Variants in PPP1R3F observed in about 807,000 individuals in gnomAD.
PPP1R3F encodes the protein protein phosphatase 1, regulatory (inhibitor) subunit 3F.
Under a neutral mutation model 24.2 loss-of-function variants are expected in PPP1R3F, and 29 were observed. The ratio of observed to expected loss-of-function variants is 1.20; its 90% confidence interval spans 0.89 to 1.63. PPP1R3F has a LOEUF of 1.63. PPP1R3F is among the 40% of genes most tolerant of loss of function. The pLI, the probability that PPP1R3F is intolerant of heterozygous loss-of-function variation, is 0.00. For synonymous variants in PPP1R3F, 363 were observed against 340.1 expected (o/e 1.07, Z -0.74); for missense variants, 823 against 729.3 (o/e 1.13, Z -1.48).
chrX:49,296,173 T>C lies in PPP1R3F; in HGVS notation c.393-5178T>C, dbSNP rs1250364488. Among the ~76,000 whole-genome samples the C allele has an allele frequency of 5.4e-5, 6 of 112,078 alleles. No homozygotes were observed. In the East Asian group the frequency reaches 1.7e-3, roughly 31 times the overall value. The stretch of plus-strand genomic sequence containing the variant: ...GGGCTTCTTTTGGTTGGTAGGTTTT[T>C]AATTACTGCCTCAATTTCAGAACTT... On this transcript the variant is annotated intron_variant, in intron 3 of 3. Coordinates refer to the PPP1R3F transcript ENST00000471261.
chrX:49,294,559 T>C (rs2066317656), intron 3 of PPP1R3F, among the ~76,000 whole-genome samples: 1 of 109,187 alleles, frequency 9.2e-6, no homozygotes, highest in Non-Finnish European at 1.9e-5. Flanking sequence ...GGAGTAAGAG[T>C]GGACATTCTT....
intron 3 of PPP1R3F, among the ~76,000 whole-genome samples, chrX:49,295,490 TA>T (rs1183369840): frequency 8.9e-6 from 1 of 112,204 alleles, no homozygotes; most frequent in Non-Finnish European, 1.9e-5. Context: ...ATCCCCAGGA[TA>T]AGCCTCACTT....
chrX:49,286,090 G>A lies in PPP1R3F; in HGVS notation c.1400G>A (p.Gly467Glu), dbSNP rs782385190. 10 of 1,171,474 alleles carry A rather than the reference G, an allele frequency of 8.5e-6. No individual in the cohort carries two copies. Among genetic ancestry groups the A allele is most frequent in the Non-Finnish European group, 9.2e-6 (8 of 873,005 alleles). ...ATWGVSSENG[G>E]GLEAVSGSEE... is the part of the protein sequence containing the mutation. ...TGGGGAGTATCGAGTGAGAATGGAG[G>A]GGGGCTGGAGGCTGTGAGTGGGTCA... Residue 467 changes from glycine (G) to glutamate (E), a missense_variant, in exon 4 of 4, where the codon GGG becomes GAG. Coordinates refer to ENST00000055335, the MANE Select transcript of PPP1R3F (RefSeq NM_033215.5).
At chrX:49,283,889 T>C (rs2066264308) in intron 3 of PPP1R3F, among the ~76,000 whole-genome samples, 1 of 111,763 alleles carries the variant, frequency 8.9e-6, no homozygotes, top group Non-Finnish European at 1.9e-5. Flanking sequence ...TTTAATTCTA[T>C]TATTCCCACT....
At chrX:49,278,729 T>C (rs1452476767) in intron 1 of PPP1R3F, among the ~76,000 whole-genome samples, 3 of 112,666 alleles carry the variant, frequency 2.7e-5, no homozygotes, top group East Asian at 5.5e-4. Flanking sequence ...CTGTGTCTAG[T>C]GGCCTCCTAG....
At chrX:49,297,828 CTTTTTT>C (rs61353822) in intron 3 of PPP1R3F, among the ~76,000 whole-genome samples, 2 of 19,598 alleles carry the variant, frequency 1.0e-4, no homozygotes, top group Admixed American at 1.0e-3. Flanking sequence ...GCAACCCCTG[CTTTTTT>C]TTTTTTTTTT....
downstream of PPP1R3F, among the ~76,000 whole-genome samples, chrX:49,291,418 C>G (rs782208762): frequency 3.3e-4 from 36 of 108,958 alleles, no homozygotes; most frequent in South Asian, 0.014. Context: ...ACCTCTGCCC[C>G]CTGGGTTCAA....
In PPP1R3F at chrX:49,278,319, C is replaced by T. The variant is rs186045093; in HGVS notation, c.1005-3087C>T. On this transcript the variant is annotated intron_variant, in intron 1 of 3. Transcript: ENST00000055335. ...GGCTTTCTGTCTGTCTGTGGGCCTT[C>T]TTGAAGAGGCTTGGTTTAGAAGATC... 5.2e-3 allele frequency among the ~76,000 whole-genome samples: 582 copies of T among 112,269 alleles called. 4 individuals carry two copies. Among genetic ancestry groups the T allele is most frequent in the African/African-American group, 0.018 (550 of 30,884 alleles).
chrX:49,287,230 T>G lies in PPP1R3F; in HGVS notation c.*140T>G. On this transcript the variant is annotated 3_prime_UTR_variant, in exon 4 of 4. Transcript: ENST00000055335. ...CCAAGCTCTCCAGTCAACACAGGGCTCCCTGTGGTGACACCAGTGGAGATG... is the reference window on the plus strand; with the variant it reads ...CCAAGCTCTCCAGTCAACACAGGGCGCCCTGTGGTGACACCAGTGGAGATG... 6.8e-6 allele frequency: 4 copies of G among 586,324 alleles called. No homozygotes were observed. Among genetic ancestry groups the G allele is most frequent in the Non-Finnish European group, 1.0e-5 (4 of 382,232 alleles). The allele number at this position is 586,324 out of a possible 1,213,427, so 48.3% of individuals were successfully genotyped here.
downstream of PPP1R3F, among the ~76,000 whole-genome samples, chrX:49,288,706 T>C (rs1013283024): frequency 1.4e-4 from 16 of 112,263 alleles, no homozygotes; most frequent in African/African-American, 5.2e-4. Context: ...GGGAAATGAT[T>C]GGATTTTGAA....
chrX:49,284,036 A>G (rs1304860070), intron 3 of PPP1R3F, among the ~76,000 whole-genome samples: 1 of 112,329 alleles, frequency 8.9e-6, no homozygotes, highest in African/African-American at 3.2e-5. Context: ...TTTTCAGAGA[A>G]GTACTACTAC....
chrX:49,276,754 C>T (rs947547691), intron 1 of PPP1R3F, among the ~76,000 whole-genome samples: 11 of 111,925 alleles, frequency 9.8e-5, no homozygotes, highest in Non-Finnish European at 1.9e-4. Flanking sequence ...CTGGATCACC[C>T]GCAAGTCCCA....
downstream of PPP1R3F, among the ~76,000 whole-genome samples, chrX:49,292,616 C>T (rs1285784646): frequency 1.8e-5 from 2 of 113,010 alleles, no homozygotes; most frequent in Non-Finnish European, 3.8e-5. Flanking sequence ...AGGGCCTGAA[C>T]GCCGGGTCTA....
chrX:49,279,125 C>T, intron 1 of PPP1R3F, among the ~76,000 whole-genome samples: 1 of 112,274 alleles, frequency 8.9e-6, no homozygotes, highest in Non-Finnish European at 1.9e-5. Flanking sequence ...CACCGTGGCT[C>T]ATGCCTGTAG....
At chrX:49,295,220 CACTGCA>C (rs1447779805) in intron 3 of PPP1R3F, among the ~76,000 whole-genome samples, 1 of 111,347 alleles carries the variant, frequency 9.0e-6, no homozygotes, top group African/African-American at 3.3e-5. Context: ...TGTATCAGCT[CACTGCA>C]ACTGCCTCCT....
chrX:49,270,179 C>T lies in PPP1R3F; in HGVS notation c.310C>T (p.Leu104=). 9.1e-7 allele frequency: 1 copy of T among 1,099,612 alleles called. No individual in the cohort carries two copies. Among genetic ancestry groups the T allele is most frequent in the Non-Finnish European group, 1.2e-6 (1 of 848,365 alleles). 90.6% of individuals were successfully genotyped at this position (1,099,612 alleles called of 1,213,427 possible). ...GGAGGCTTGCCCCGAGCCCTCACCGCTGTGCCCCGTCCCCGCTGGCGGGGG... is the reference window on the plus strand; with the variant it reads ...GGAGGCTTGCCCCGAGCCCTCACCGTTGTGCCCCGTCCCCGCTGGCGGGGG... ...EEEACPEPSP[L]CPVPAGGGFY... Residue 104 remains leucine (L), a synonymous_variant, in exon 1 of 4, where the codon CTG becomes TTG. Coordinates refer to ENST00000055335, the MANE Select transcript of PPP1R3F (RefSeq NM_033215.5).
downstream of PPP1R3F, among the ~76,000 whole-genome samples, chrX:49,291,316 C>CTCTCTCTCTCTCTCTCTCTG (rs782097550): frequency 1.4e-4 from 12 of 88,372 alleles, no homozygotes; most frequent in African/African-American, 1.9e-4. Context: ...CTCTCTCTCT[C>CTCTCTCTCTCTCTCTCTCTG]TCTCTCTCTC....
At chrX:49,279,244 AC>A (rs1557120357) in intron 1 of PPP1R3F, among the ~76,000 whole-genome samples, 1 of 111,897 alleles carries the variant, frequency 8.9e-6, no homozygotes, top group African/African-American at 3.3e-5. Context: ...ATACAAAAAA[AC>A]AAAAACAAAA....
At chrX:49,297,465 C>T (rs1434213772) in intron 3 of PPP1R3F, among the ~76,000 whole-genome samples, 3 of 110,648 alleles carry the variant, frequency 2.7e-5, no homozygotes, top group African/African-American at 9.9e-5. Flanking sequence ...CCGCCCGCCT[C>T]GGCCTCTCAA....
Sources: gnomAD v4.1 joint callset for allele counts (sites outside exome capture counted in the v4.1 genomes callset) on GRCh38, gnomAD v4.1.1 for gene constraint, MANE v1.5 for transcripts, NCBI Gene and HGNC (gene_info 2026-07-23, HGNC 2026-07-21) for gene names.